The following HERC6 variants were observed in gnomAD, a reference collection of about 807,000 sequenced individuals.
HERC6 encodes the protein probable E3 ubiquitin-protein ligase HERC6.
HERC6 carries 101 observed loss-of-function variants against 114.5 expected under a neutral mutation model. The ratio of observed to expected loss-of-function variants is 0.88; its 90% CI spans 0.75 to 1.04. The LOEUF (loss-of-function observed/expected upper bound fraction) is 1.04, where lower values mean the gene tolerates loss of function less well. HERC6 is among the 50% of genes least tolerant of loss of function. HERC6 has a pLI of 0.00. For synonymous variants in HERC6, 408 were observed against 436.2 expected (o/e 0.94, Z 0.81); for missense variants, 1,133 against 1,230.9 (o/e 0.92, Z 1.19).
Position 88,436,905 on chromosome 4 carries a change from G to A in HERC6, c.2418G>A (p.Lys806=), listed in dbSNP as rs766843611. 1.3e-6 allele frequency: 2 copies of A among 1,596,544 alleles called. No individual in the cohort carries two copies. The highest frequency in any genetic ancestry group is 2.3e-5 in the East Asian group (1 of 44,436). Residue 806 remains lysine (K), a splice_region_variant and synonymous_variant, in exon 19 of 23, where the codon AAG becomes AAA. Coordinates refer to ENST00000264346, the MANE Select transcript of HERC6 (RefSeq NM_017912.4). ...TTTTTAAAACCAAAATCTTCATTAG[G>A]AGTTTGCAAGAAGTTCTAGATGATG... ...DLKELSPRLG[K]SLQEVLDDAA...
At chr4:88,385,401 A>G in intron 2 of HERC6, 98 bp from the exon 3 acceptor site, 2 of 656,252 alleles carry the variant, frequency 3.0e-6, no homozygotes, top group South Asian at 3.7e-5. Flanking sequence ...GTTTTCCTGG[A>G]CCAGATGTAT....
At chr4:88,401,933 T>G (rs931113716) in intron 8 of HERC6, among the ~76,000 whole-genome samples, 3 of 152,204 alleles carry the variant, frequency 2.0e-5, no homozygotes, top group Non-Finnish European at 4.4e-5. Context: ...CAGTTGGATT[T>G]TGGAGTAATT....
intron 1 of HERC6, among the ~76,000 whole-genome samples, chr4:88,381,609 G>C (rs894386847): frequency 7.2e-6 from 1 of 139,560 alleles, no homozygotes; most frequent in African/African-American, 2.7e-5. Flanking sequence ...CCAGGCTGTA[G>C]TGCAATGGCA....
chr4:88,435,736 GAAGAA>G lies in HERC6; in HGVS notation c.2267_2271del (p.Lys756IlefsTer19), dbSNP rs753290712. 2 of 1,546,776 alleles carry G rather than the reference GAAGAA, an allele frequency of 1.3e-6. No individual in the cohort carries two copies. Among genetic ancestry groups the G allele is most frequent in the Non-Finnish European group, 1.7e-6 (2 of 1,146,062 alleles). Reference sequence around the variant, plus strand: ...TTCTTCTTTTCTAGCCTAAACCTGAGAAGAAAAGATATTTCCTCTTTGGAATGCTG... The same window carrying G: ...TTCTTCTTTTCTAGCCTAAACCTGAGAAGATATTTCCTCTTTGGAATGCTG... On this transcript the variant is annotated frameshift_variant, in exon 18 of 23. Transcript: ENST00000264346. LOFTEE classifies it high-confidence loss of function.
At chr4:88,426,349 G>A (rs1053516560) in intron 15 of HERC6, among the ~76,000 whole-genome samples, 6 of 152,048 alleles carry the variant, frequency 3.9e-5, no homozygotes, top group Admixed American at 6.6e-5. Flanking sequence ...TGTATTTTTA[G>A]TAGAGACAGG....
chr4:88,386,246 C>G (rs1734575332), intron 3 of HERC6, among the ~76,000 whole-genome samples: 1 of 149,082 alleles, frequency 6.7e-6, no homozygotes, highest in South Asian at 2.1e-4. Context: ...TGTTCTGTCA[C>G]CCAGGCTGGA....
chr4:88,421,487 G>A (rs866345038), intron 13 of HERC6, among the ~76,000 whole-genome samples: 7 of 131,578 alleles, frequency 5.3e-5, no homozygotes, highest in Non-Finnish European at 9.6e-5. Flanking sequence ...TTGCTCTGTT[G>A]CCCAGGCTGG....
chr4:88,431,089 G>T, intron 16 of HERC6, 73 bp from the exon 17 acceptor site: 1 of 1,332,214 alleles, frequency 7.5e-7, no homozygotes, highest in South Asian at 1.4e-5. Flanking sequence ...GGTCGTTAGA[G>T]GTTTAAAACT....
chr4:88,426,138 T>A (rs985267132), intron 15 of HERC6, among the ~76,000 whole-genome samples: 1 of 152,162 alleles, frequency 6.6e-6, no homozygotes, highest in Admixed American at 6.5e-5. Flanking sequence ...CTAGTAGCAT[T>A]CCACAGGTAA....
At chr4:88,392,320 AT>A (rs1314456488) in intron 4 of HERC6, among the ~76,000 whole-genome samples, 2 of 149,290 alleles carry the variant, frequency 1.3e-5, no homozygotes, top group South Asian at 4.3e-4. Flanking sequence ...TAATTTTTGT[AT>A]TTTTTGTAGT....
chr4:88,401,216 C>CAGGCA (rs1386071933), intron 8 of HERC6, among the ~76,000 whole-genome samples: 3 of 151,990 alleles, frequency 2.0e-5, no homozygotes, highest in Non-Finnish European at 4.4e-5. Context: ...GTGAATAGGC[C>CAGGCA]AGGCATGGTG....
intron 8 of HERC6, among the ~76,000 whole-genome samples, chr4:88,404,267 A>G (rs1050405373): frequency 4.1e-5 from 6 of 145,000 alleles, no homozygotes; most frequent in Non-Finnish European, 4.5e-5. Context: ...ATCTTGTCTC[A>G]CTGCAACCTC....
intron 12 of HERC6, 30 bp from the exon 13 acceptor site, chr4:88,417,393 CAT>C: frequency 6.3e-7 from 1 of 1,592,346 alleles, no homozygotes. Flanking sequence ...GTAGGAAAAA[CAT>C]ATTTATCATG....
intron 8 of HERC6, among the ~76,000 whole-genome samples, chr4:88,400,577 T>C (rs1313182035): frequency 6.6e-6 from 1 of 152,176 alleles, no homozygotes; most frequent in Non-Finnish European, 1.5e-5. Context: ...AAATATTAAA[T>C]GGGAAATTCA....
At position 88,396,031 on chromosome 4, in the gene HERC6, C is replaced by T; in HGVS notation, c.776C>T (p.Thr259Ile). Residue 259 changes from threonine to isoleucine, a missense_variant, in exon 6 of 23, where the codon ACA becomes ATA. This residue lies in a region of HERC6 where 735 missense variants were observed against 754.0 expected (regional missense o/e 0.97). Transcript: ENST00000264346. ...AVLTQDGKVF[T>I]FGDNRSGQLG... ...GCTAAGCAGGACGGGAAAGTGTTCA[C>T]ATTTGGAGACAATCGCTCTGGACAG... 6.3e-7 allele frequency: 1 copy of T among 1,598,714 alleles called. No individual in the cohort carries two copies.
At chr4:88,407,542 G>A (rs1034272005) in intron 10 of HERC6, among the ~76,000 whole-genome samples, 32 of 151,982 alleles carry the variant, frequency 2.1e-4, no homozygotes, top group African/African-American at 7.7e-4. Context: ...TGGGACTACA[G>A]GTGTGCACCA....
intron 8 of HERC6, among the ~76,000 whole-genome samples, chr4:88,401,348 C>A (rs931216433): frequency 6.6e-6 from 1 of 151,718 alleles, no homozygotes; most frequent in Non-Finnish European, 1.5e-5. Flanking sequence ...CAAAAATTAG[C>A]CGGGTGTGGT....
intron 3 of HERC6, 126 bp from the exon 4 acceptor site, chr4:88,390,526 A>G: frequency 3.6e-6 from 3 of 837,558 alleles, no homozygotes; most frequent in Non-Finnish European, 5.5e-6. Context: ...CCTTAAATAG[A>G]TGAAATTTTT....
At chr4:88,409,213 C>T (rs561209212) in intron 11 of HERC6, among the ~76,000 whole-genome samples, 3 of 152,308 alleles carry the variant, frequency 2.0e-5, no homozygotes, top group African/African-American at 7.2e-5. Flanking sequence ...ACTTGTTGGA[C>T]TTTCATTAGT....
Sources: gnomAD v4.1 joint callset for allele counts (sites outside exome capture counted in the v4.1 genomes callset) on GRCh38, gnomAD v4.1.1 for gene constraint, gnomAD v4.1.1 regional missense constraint, MANE v1.5 for transcripts, NCBI Gene and HGNC (gene_info 2026-07-23, HGNC 2026-07-21) for gene names.